The following PKD1L1 variants were observed in gnomAD, a reference collection of about 807,000 sequenced individuals.
PKD1L1 encodes the protein polycystin 1 like 1, transient receptor potential channel interacting.
A neutral mutation model predicts 323.4 loss-of-function variants in PKD1L1; 236 were observed. That is an observed-to-expected ratio of 0.73 (90% CI 0.66 to 0.81). The LOEUF is 0.81. Ranked by LOEUF, PKD1L1 falls within the 40% of genes least tolerant of loss-of-function variation. PKD1L1 has a pLI of 0.00. For missense variants in PKD1L1, 3,320 were observed against 3,508.0 expected (o/e 0.95, Z 1.35); for synonymous variants, 1,344 against 1,335.0 (o/e 1.01, Z -0.15).
chr7:47,909,424 A>T (rs1311279784), intron 8 of PKD1L1, among the ~76,000 whole-genome samples: 1 of 152,150 alleles, frequency 6.6e-6, no homozygotes, highest in Non-Finnish European at 1.5e-5. Flanking sequence ...GTGCAGGCTT[A>T]TCTCAGTTTA....
At chr7:47,858,639 G>A in intron 27 of PKD1L1, 34 bp downstream of exon 27, 7 of 1,569,258 alleles carry the variant, frequency 4.5e-6, no homozygotes, top group Non-Finnish European at 6.1e-6. Flanking sequence ...TATGGAAACA[G>A]TATTTTTATG....
rs1785100545 is a variant in PKD1L1, at chr7:47,819,698, A to T, written c.6965+1378T>A. ...TGAGCTACAGAACACCCAGACTCAT[A>T]GCACTGGGACTTCCAGGTCTTACCT... On this transcript the variant is annotated intron_variant, in intron 46 of 56. Coordinates refer to ENST00000289672, the MANE Select transcript of PKD1L1 (RefSeq NM_138295.5). 4 of 637,654 alleles carry T rather than the reference A, an allele frequency of 6.3e-6. No individual in the cohort carries two copies. The Middle Eastern group carries it at 1.2e-3, about 190-fold the overall frequency. 39.5% of individuals were successfully genotyped at this position (637,654 alleles called of 1,614,324 possible).
chr7:47,824,641 G>A (rs901709936), intron 45 of PKD1L1, among the ~76,000 whole-genome samples: 2 of 152,106 alleles, frequency 1.3e-5, no homozygotes, highest in African/African-American at 2.4e-5. Flanking sequence ...CCTTTCCCTT[G>A]TTTTATTTAG....
intron 20 of PKD1L1, among the ~76,000 whole-genome samples, chr7:47,881,257 G>GA (rs1420948848): frequency 6.6e-6 from 1 of 152,052 alleles, no homozygotes; most frequent in Non-Finnish European, 1.5e-5. Context: ...TTCCTTAGCA[G>GA]AGAGAGGCTG....
At chr7:47,938,784 G>A (rs966334541) in intron 3 of PKD1L1, among the ~76,000 whole-genome samples, 3 of 152,318 alleles carry the variant, frequency 2.0e-5, no homozygotes, top group African/African-American at 7.2e-5. Flanking sequence ...CCAGGTGGCT[G>A]AACCTTGGAG....
At chr7:47,846,008 T>C (rs1785658846) in intron 32 of PKD1L1, among the ~76,000 whole-genome samples, 2 of 152,240 alleles carry the variant, frequency 1.3e-5, no homozygotes, top group Non-Finnish European at 2.9e-5. Context: ...TATTGGGCCA[T>C]TACCAGTAAG....
chr7:47,902,334 G>A (rs1391463964), intron 13 of PKD1L1, 45 bp downstream of exon 13: 3 of 1,605,656 alleles, frequency 1.9e-6, no homozygotes, highest in African/African-American at 1.3e-5. Context: ...CTCAGAGGGA[G>A]GCTGAAAAGA....
At position 47,898,074 on chromosome 7, in the gene PKD1L1, G is replaced by A. The variant is rs904654285; in HGVS notation, c.2185C>T (p.Leu729Phe). The change falls in exon 14 of 57, where the codon CTC (leucine) becomes TTC (phenylalanine). Residue 729 changes from leucine (L) to phenylalanine (F), a missense_variant. Leu to Phe is a conservative substitution (Grantham distance 22). Transcript: ENST00000289672. ...CTGTGAGTGTCCACAGCAGCAGGGAGGGAGACAGGGAGCCCTTCAGAGTCC... is the reference window on the plus strand; with the variant it reads ...CTGTGAGTGTCCACAGCAGCAGGGAAGGAGACAGGGAGCCCTTCAGAGTCC... Reference protein sequence around the residue: ...LMDSEGLPVSLPAAVDTHRQT... With the variant: ...LMDSEGLPVSFPAAVDTHRQT... 2 of 1,613,908 alleles carry A rather than the reference G, an allele frequency of 1.2e-6. No homozygotes were observed. Among genetic ancestry groups the A allele is most frequent in the African/African-American group, 1.3e-5 (1 of 74,898 alleles).
intron 4 of PKD1L1, among the ~76,000 whole-genome samples, chr7:47,934,505 C>A (rs1427312890): frequency 6.6e-6 from 1 of 152,180 alleles, no homozygotes; most frequent in Non-Finnish European, 1.5e-5. Flanking sequence ...ATTTTTAGTC[C>A]ATTCATCATC....
intron 20 of PKD1L1, 97 bp downstream of exon 20, chr7:47,881,812 T>TAAGAAA: frequency 8.4e-7 from 1 of 1,197,500 alleles, no homozygotes; most frequent in South Asian, 1.6e-5. Flanking sequence ...TCTAAATACT[T>TAAGAAA]ATCTAGTAAA....
At chr7:47,885,476 T>C (rs907182650) in intron 18 of PKD1L1, among the ~76,000 whole-genome samples, 2 of 152,104 alleles carry the variant, frequency 1.3e-5, no homozygotes, top group Admixed American at 6.5e-5. Context: ...GAACCTGCCA[T>C]GGGTTTGTCA....
At chr7:47,847,284 C>T (rs543761671) in intron 31 of PKD1L1, among the ~76,000 whole-genome samples, 24 of 152,242 alleles carry the variant, frequency 1.6e-4, no homozygotes, top group African/African-American at 5.3e-4. Context: ...GATGCAGATA[C>T]GAATTGAGGA....
At chr7:47,932,167 C>T in intron 4 of PKD1L1, 111 bp from the exon 5 acceptor site, 1 of 1,466,420 alleles carries the variant, frequency 6.8e-7, no homozygotes, top group Non-Finnish European at 9.1e-7. Flanking sequence ...GCTGGAAATT[C>T]CCTTGCTGTG....
chr7:47,952,595 G>A (rs115819908), upstream of PKD1L1, among the ~76,000 whole-genome samples: 4 of 152,246 alleles, frequency 2.6e-5, no homozygotes, highest in South Asian at 4.1e-4. Context: ...CTTCTGGGCC[G>A]TTTTCTCTGA....
chr7:47,791,927 G>C (rs1355645420), intron 56 of PKD1L1, among the ~76,000 whole-genome samples: 1 of 152,160 alleles, frequency 6.6e-6, no homozygotes, highest in Non-Finnish European at 1.5e-5. Context: ...CCTGGCACAT[G>C]GTGTGTCTAT....
intron 24 of PKD1L1, among the ~76,000 whole-genome samples, chr7:47,871,876 T>C (rs1319634449): frequency 1.3e-5 from 2 of 152,174 alleles, no homozygotes; most frequent in African/African-American, 2.4e-5. Context: ...AAGACCAGGA[T>C]TTCCACGCTT....
chr7:47,879,880 C>T (rs557025484), intron 21 of PKD1L1, among the ~76,000 whole-genome samples: 2 of 125,798 alleles, frequency 1.6e-5, no homozygotes, highest in East Asian at 3.9e-4. Context: ...TTGCGGTGAG[C>T]CAAGATCGGG....
chr7:47,855,335 C>G, intron 28 of PKD1L1, 70 bp from the exon 29 acceptor site: 2 of 1,148,360 alleles, frequency 1.7e-6, no homozygotes, highest in Non-Finnish European at 2.6e-6. Flanking sequence ...AAGCAGCAAA[C>G]CAAAGTATCG....
intron 46 of PKD1L1, among the ~76,000 whole-genome samples, chr7:47,819,139 G>A (rs976625935): frequency 2.0e-5 from 3 of 152,102 alleles, no homozygotes; most frequent in Admixed American, 6.5e-5. Flanking sequence ...GGGGTGAGAC[G>A]GAGAGGGTCC....
Sources: gnomAD v4.1 joint callset for allele counts (sites outside exome capture counted in the v4.1 genomes callset) on GRCh38, gnomAD v4.1.1 for gene constraint, MANE v1.5 for transcripts, NCBI Gene and HGNC (gene_info 2026-07-23, HGNC 2026-07-21) for gene names.